Variants in HGF observed in about 807,000 individuals in gnomAD.
HGF encodes fibroblast-derived tumor cytotoxic factor.
HGF carries 39 observed loss-of-function variants against 111.6 expected under a neutral mutation model. The ratio of observed to expected loss-of-function variants is 0.35; its 90% CI spans 0.27 to 0.46. The LOEUF is 0.46. HGF is among the 20% of genes least tolerant of loss of function. The probability of loss-of-function intolerance (pLI) is 1.00; values close to 1 mark genes in which losing one functional copy is unlikely to be tolerated. For missense variants in HGF, 735 were observed against 910.5 expected (o/e 0.81, Z 2.48); for synonymous variants, 285 against 294.8 (o/e 0.97, Z 0.34).
intron 7 of HGF, among the ~76,000 whole-genome samples, chr7:81,730,900 A>T (rs1450988205): frequency 1.3e-5 from 2 of 152,208 alleles, no homozygotes; most frequent in Non-Finnish European, 2.9e-5. Flanking sequence ...AGTAAATTTC[A>T]TTGATTTATC....
intron 6 of HGF, among the ~76,000 whole-genome samples, chr7:81,744,323 G>A (rs1207503442): frequency 4.7e-5 from 7 of 148,472 alleles, no homozygotes; most frequent in Non-Finnish European, 8.9e-5. Flanking sequence ...TTTTTTTGGC[G>A]GAGATGGGTA....
intron 7 of HGF, among the ~76,000 whole-genome samples, chr7:81,735,696 A>G (rs899847531): frequency 5.3e-5 from 8 of 152,072 alleles, no homozygotes; most frequent in Non-Finnish European, 8.8e-5. Context: ...ACATACCTAT[A>G]TTAGTCTGCT....
rs566951591 is a variant in HGF at position 81,764,184 on chromosome 7, A to G, written c.89-1312T>C. ...AGCAGAGTGAGGTACCAAAAATGCCATCATACTCTAAGTTTGTCAGCAACC... is the reference window on the plus strand; with the variant it reads ...AGCAGAGTGAGGTACCAAAAATGCCGTCATACTCTAAGTTTGTCAGCAACC... On this transcript the variant is annotated intron_variant, in intron 1 of 17. Transcript: ENST00000222390. 3.3e-5 allele frequency among the ~76,000 whole-genome samples: 5 copies of G among 152,234 alleles called. No individual in the cohort carries two copies. The East Asian group carries it at 9.7e-4, about 29-fold the overall frequency.
chr7:81,745,525 AATAC>A (rs1331118283), intron 5 of HGF, among the ~76,000 whole-genome samples: 1 of 152,224 alleles, frequency 6.6e-6, no homozygotes, highest in Non-Finnish European at 1.5e-5. Context: ...TTGCCCTCCA[AATAC>A]ATACACAGGA....
chr7:81,740,395 G>C lies in HGF; in HGVS notation c.865+2958C>G, dbSNP rs115235573. ...AAGTAAATACATGTGTGGTCCCCCA[G>C]ATCCCCACCAACTTGTGTACACACT... On this transcript the variant is annotated intron_variant, in intron 7 of 17. Coordinates refer to ENST00000222390, the MANE Select transcript of HGF (RefSeq NM_000601.6). Among the ~76,000 whole-genome samples the C allele has an allele frequency of 9.6e-3, 1,468 of 152,242 alleles. 22 individuals are homozygous for C. Among genetic ancestry groups the C allele is most frequent in the African/African-American group, 0.034 (1,405 of 41,550 alleles).
At chr7:81,721,210 G>A (rs1194405945) in intron 9 of HGF, among the ~76,000 whole-genome samples, 2 of 152,086 alleles carry the variant, frequency 1.3e-5, no homozygotes, top group East Asian at 1.9e-4. Flanking sequence ...TGGCGCCACT[G>A]CACTCCAGCC....
intron 10 of HGF, 35 bp downstream of exon 10, chr7:81,720,710 A>G (rs1789830608): frequency 8.6e-7 from 1 of 1,162,308 alleles, no homozygotes. Flanking sequence ...TGGTATCACT[A>G]CATTCTATAT....
intron 4 of HGF, chr7:81,756,222 T>C (rs1278092315): frequency 5.2e-6 from 3 of 571,536 alleles, no homozygotes; most frequent in Non-Finnish European, 9.3e-6. Context: ...ACTAAGTGTT[T>C]TTATGCTTCA....
rs966815493 is a variant in HGF at position 81,699,520 on chromosome 7, A to T, written c.*3061T>A. 1.3e-5 allele frequency: 2 copies of T among 151,660 alleles called. No individual in the cohort carries two copies. Among genetic ancestry groups the T allele is most frequent in the African/African-American group, 4.8e-5 (2 of 41,398 alleles). 9.4% of individuals were successfully genotyped at this position (151,660 alleles called of 1,614,324 possible). ...AATTAATTATAATAGTATTTTTTGA[A>T]TCTCAATAAATTGATTTAAGGCTTT... On this transcript the variant is annotated 3_prime_UTR_variant, in exon 18 of 18. Transcript: ENST00000222390.
intron 4 of HGF, among the ~76,000 whole-genome samples, chr7:81,752,656 A>G (rs868648740): frequency 1.3e-5 from 2 of 152,116 alleles, no homozygotes; most frequent in Non-Finnish European, 2.9e-5. Context: ...TATTTCTTGC[A>G]TTACTTATTT....
intron 1 of HGF, among the ~76,000 whole-genome samples, chr7:81,767,011 G>T (rs1351477752): frequency 1.3e-5 from 2 of 152,010 alleles, no homozygotes; most frequent in Non-Finnish European, 2.9e-5. Context: ...GCTGTGTGGG[G>T]TCCTTCCTGG....
intron 6 of HGF, 99 bp from the exon 7 acceptor site, chr7:81,743,570 T>C: frequency 1.2e-6 from 1 of 826,064 alleles, no homozygotes. Flanking sequence ...TGTCTACACC[T>C]AGCTGGGGAA....
chr7:81,718,275 C>T (rs1263187554), intron 10 of HGF, among the ~76,000 whole-genome samples: 1 of 152,116 alleles, frequency 6.6e-6, no homozygotes, highest in East Asian at 1.9e-4. Flanking sequence ...ACATATAGTA[C>T]TTATTACATG....
intron 7 of HGF, among the ~76,000 whole-genome samples, chr7:81,736,929 G>GTGTGTGTGT (rs373877352): frequency 2.1e-5 from 3 of 142,486 alleles, no homozygotes; most frequent in Non-Finnish European, 4.6e-5. Flanking sequence ...GTGTGTGTGT[G>GTGTGTGTGT]GTGTTCTATA....
chr7:81,736,269 C>T (rs578159758), intron 7 of HGF, among the ~76,000 whole-genome samples: 7 of 152,138 alleles, frequency 4.6e-5, no homozygotes, highest in Admixed American at 1.3e-4. Context: ...ACGTACACTC[C>T]GTTCTATTTT....
At chr7:81,724,855 C>A (rs1458813538) in intron 9 of HGF, among the ~76,000 whole-genome samples, 1 of 152,170 alleles carries the variant, frequency 6.6e-6, no homozygotes, top group East Asian at 1.9e-4. Context: ...GCAACCTCAC[C>A]ATCATCTATT....
At chr7:81,715,962 AG>A (rs1789701661) in intron 11 of HGF, among the ~76,000 whole-genome samples, 1 of 152,210 alleles carries the variant, frequency 6.6e-6, no homozygotes, top group African/African-American at 2.4e-5. Context: ...ATTGTGGTAA[AG>A]GATGTTCGTT....
At chr7:81,750,203 T>C (rs1788433677) in intron 5 of HGF, among the ~76,000 whole-genome samples, 1 of 152,210 alleles carries the variant, frequency 6.6e-6, no homozygotes, top group South Asian at 2.1e-4. Context: ...ATGCTTCTTA[T>C]TTTGGATCTT....
chr7:81,743,002 G>C, intron 7 of HGF: 1 of 1,529,834 alleles, frequency 6.5e-7, no homozygotes, highest in Non-Finnish European at 9.1e-7. Flanking sequence ...AGGAACTAAG[G>C]TCCTAGCTTT....
Sources: allele counts gnomAD v4.1 joint callset (sites outside exome capture counted in the v4.1 genomes callset), GRCh38; gene constraint gnomAD v4.1.1; transcripts MANE v1.5; gene names NCBI Gene and HGNC (gene_info 2026-07-23, HGNC 2026-07-21).